The following GRIN1 variants were observed in gnomAD, a reference collection of about 807,000 sequenced individuals.
The protein encoded by GRIN1 is glutamate receptor ionotropic, NMDA 1.
A neutral mutation model predicts 103.0 loss-of-function variants in GRIN1; 38 were observed. The ratio of observed to expected loss-of-function variants is 0.37; its 90% CI spans 0.28 to 0.48. The LOEUF (loss-of-function observed/expected upper bound fraction) is 0.48, where lower values mean the gene tolerates loss of function less well. Among genes scored for constraint, GRIN1 ranks in the 20% least tolerant of loss-of-function variants. The probability of loss-of-function intolerance (pLI) is 0.98; values close to 1 mark genes in which losing one functional copy is unlikely to be tolerated. For missense variants in GRIN1, 577 were observed against 1,288.9 expected (o/e 0.45, Z 8.46); for synonymous variants, 544 against 532.7 (o/e 1.02, Z -0.29).
intron 19 of GRIN1, among the ~76,000 whole-genome samples, chr9:137,166,832 G>A (rs991108841): frequency 1.4e-4 from 21 of 152,366 alleles, no homozygotes; most frequent in Admixed American, 1.2e-3. Context: ...GGGGAATAGC[G>A]CAGGGATCGT....
rs1833726311 is a variant in GRIN1 at position 137,164,128 on chromosome 9, C to T, written c.2589+224C>T. ...CTGCAAAGCCGGGGCCGAGGGAGGC[C>T]ACGCACCCTGCTCCAAGCCTCCGCC... On this transcript the variant is annotated intron_variant, in intron 18 of 19. Transcript: ENST00000371561. The T allele has an allele frequency of 6.7e-6, 4 of 601,434 alleles. No individual in the cohort carries two copies. In the South Asian group the frequency reaches 7.4e-5, roughly 11 times the overall value. The allele number at this position is 601,434 out of a possible 1,614,324, so 37.3% of individuals were successfully genotyped here.
chr9:137,139,331 C>T lies in GRIN1; in HGVS notation c.-156C>T. ...CCCCGCGCACGCTTCAGCGCCCCTT[C>T]CCTCGGCCGACGTCCCGGGACCGCC... is the stretch of plus-strand genomic sequence containing the variant. On this transcript the variant is annotated 5_prime_UTR_variant, in exon 1 of 20. Transcript: ENST00000371561. This position sits in a 1 kb window ranked among gnomAD's most constrained non-coding sequence, Gnocchi z 7.7. The T allele has an allele frequency of 6.1e-6, 2 of 326,038 alleles. No individual in the cohort carries two copies. Among genetic ancestry groups the T allele is most frequent in the Non-Finnish European group, 1.0e-5 (2 of 194,064 alleles). 20.2% of individuals were successfully genotyped at this position (326,038 alleles called of 1,614,324 possible).
At chr9:137,154,539 C>T (rs1323917253) in intron 4 of GRIN1, among the ~76,000 whole-genome samples, 1 of 146,402 alleles carries the variant, frequency 6.8e-6, no homozygotes, top group East Asian at 2.0e-4. Flanking sequence ...CTGCAACCTC[C>T]GCCTCCCAGA....
rs753088706 is a variant in GRIN1, at chr9:137,146,470, C to T, written c.570+568C>T. Among the ~76,000 whole-genome samples the T allele has an allele frequency of 6.6e-6, 1 of 152,180 alleles. No individual in the cohort carries two copies. Among genetic ancestry groups the T allele is most frequent in the Admixed American group, 6.5e-5 (1 of 15,286 alleles). ...CCGCCCCTGTGGGCTCCACTCCCCT[C>T]CTTGCCCCCACCACAGGGCTCCCTC... On this transcript the variant is annotated intron_variant, in intron 3 of 19. Coordinates refer to ENST00000371561, the MANE Select transcript of GRIN1 (RefSeq NM_007327.4). The surrounding 1 kb of genome is among the most constrained non-coding windows in gnomAD (Gnocchi z 6.7).
intron 6 of GRIN1, among the ~76,000 whole-genome samples, chr9:137,157,274 C>G (rs907438344): frequency 6.6e-6 from 1 of 152,054 alleles, no homozygotes; most frequent in Admixed American, 6.6e-5. Flanking sequence ...AGGTGGGCGG[C>G]GTCGCTCTCA....
chr9:137,165,118 C>A, intron 18 of GRIN1, 68 bp from the exon 19 acceptor site: 2 of 1,130,072 alleles, frequency 1.8e-6, no homozygotes, highest in Non-Finnish European at 2.7e-6. Flanking sequence ...GCGGCCCATG[C>A]AGGAGCAGGC....
intron 4 of GRIN1, among the ~76,000 whole-genome samples, chr9:137,152,877 A>C (rs895878716): frequency 6.6e-6 from 1 of 152,088 alleles, no homozygotes; most frequent in Admixed American, 6.5e-5. Flanking sequence ...CACATGCAGA[A>C]TCATGTACAG....
intron 1 of GRIN1, among the ~76,000 whole-genome samples, chr9:137,141,390 A>C (rs1052076566): frequency 3.9e-5 from 6 of 152,174 alleles, no homozygotes; most frequent in Non-Finnish European, 8.8e-5. Context: ...GGTCATGGGC[A>C]GGAAGGCTGG....
chr9:137,160,270 C>T (rs983605548), intron 8 of GRIN1, among the ~76,000 whole-genome samples: 5 of 152,236 alleles, frequency 3.3e-5, no homozygotes, highest in African/African-American at 9.6e-5. Flanking sequence ...GGTGGCCCCA[C>T]GGGTCCCAGG....
Position 137,158,263 on chromosome 9 carries a change from A to T in GRIN1, c.969-116A>T. 1.2e-5 allele frequency: 14 copies of T among 1,157,820 alleles called. No homozygotes were observed. In the South Asian group the frequency reaches 1.8e-4, roughly 15 times the overall value. 71.7% of individuals were successfully genotyped at this position (1,157,820 alleles called of 1,614,324 possible). A position where few individuals can be genotyped will look rare whatever the true frequency, so the allele number is the denominator to read the frequency against. ...CCCAAGCTGCTCAGCCGGCAGGAGAAGGAGCAGGGAGAAGGAGCAGGGGGA... is the reference window on the plus strand; with the variant it reads ...CCCAAGCTGCTCAGCCGGCAGGAGATGGAGCAGGGAGAAGGAGCAGGGGGA... On this transcript the variant is annotated intron_variant, in intron 6 of 19. Transcript: ENST00000371561.
intron 3 of GRIN1, 43 bp from the exon 4 acceptor site, chr9:137,148,966 C>T: frequency 7.1e-7 from 1 of 1,409,472 alleles, no homozygotes; most frequent in Non-Finnish European, 9.9e-7. Context: ...GGCGCTATGT[C>T]CCCTGCCCCA....
intron 19 of GRIN1, among the ~76,000 whole-genome samples, chr9:137,165,736 G>A (rs371692785): frequency 6.6e-6 from 1 of 152,172 alleles, no homozygotes; most frequent in Non-Finnish European, 1.5e-5. Flanking sequence ...GGGGCCCGCC[G>A]CCCTCACTTC....
chr9:137,149,004 C>T lies in GRIN1; in HGVS notation c.571-5C>T, dbSNP rs750769690. The T allele has an allele frequency of 9.3e-6, 15 of 1,604,806 alleles. No individual in the cohort carries two copies. The highest frequency in any genetic ancestry group is 2.2e-5 in the East Asian group (1 of 44,714). ...CGCCTGCTAACACTCTTGCTCACAC[C>T]GCAGGCAGAGAAGGTGCTGCAGTTT... On this transcript the variant is annotated splice_region_variant and splice_polypyrimidine_tract_variant and intron_variant, in intron 3 of 19. Coordinates refer to ENST00000371561, the MANE Select transcript of GRIN1 (RefSeq NM_007327.4).
chr9:137,156,174 C>T (rs1174933256), intron 4 of GRIN1, among the ~76,000 whole-genome samples: 2 of 152,208 alleles, frequency 1.3e-5, no homozygotes, highest in African/African-American at 2.4e-5. Flanking sequence ...CCCCGTAAAA[C>T]ACTTCGAGCA....
In GRIN1 at chr9:137,161,909, T is replaced by C. The variant is rs369253654; in HGVS notation, c.1468-15T>C. 7.1e-6 allele frequency: 11 copies of C among 1,552,086 alleles called. No homozygotes were observed. The highest frequency in any genetic ancestry group is 9.6e-6 in the Non-Finnish European group (11 of 1,148,650). ...GGACGCTGCCTGCATGCCCGCCGGC[T>C]CTGTCGCCTCGCAGGTGAACAACAG... is the stretch of plus-strand genomic sequence containing the variant. On this transcript the variant is annotated splice_polypyrimidine_tract_variant and intron_variant, in intron 10 of 19. Coordinates refer to ENST00000371561, the MANE Select transcript of GRIN1 (RefSeq NM_007327.4).
At chr9:137,144,420 C>T (rs574594007) in intron 2 of GRIN1, among the ~76,000 whole-genome samples, 117 of 150,448 alleles carry the variant, frequency 7.8e-4, no homozygotes, top group African/African-American at 2.0e-3. Flanking sequence ...TTTGGGAGGC[C>T]GAGGCGGGCG....
In GRIN1 at chr9:137,162,758, G is replaced by A. The variant is rs1043866330; in HGVS notation, c.2013+19G>A. The A allele has an allele frequency of 2.2e-5, 35 of 1,601,732 alleles. No individual in the cohort carries two copies. Among genetic ancestry groups the A allele is most frequent in the Admixed American group, 5.2e-5 (3 of 58,048 alleles). On this transcript the variant is annotated intron_variant, in intron 14 of 19. Transcript: ENST00000371561. ...CCCTCGGGTGAGGCCTGGCCGGGCTGGGGGAGGGAATGCGAGGTGAGCTGG... is the reference window on the plus strand; with the variant it reads ...CCCTCGGGTGAGGCCTGGCCGGGCTAGGGGAGGGAATGCGAGGTGAGCTGG...
intron 2 of GRIN1, 85 bp from the exon 3 acceptor site, chr9:137,145,641 G>A (rs1391583019): frequency 3.9e-5 from 45 of 1,163,636 alleles, no homozygotes; most frequent in South Asian, 1.1e-4. Context: ...CCCAGCCTCC[G>A]GCGGGTGTTC....
chr9:137,157,612 T>C (rs980039366), intron 6 of GRIN1, among the ~76,000 whole-genome samples: 3 of 152,178 alleles, frequency 2.0e-5, no homozygotes, highest in Admixed American at 6.5e-5. Flanking sequence ...CACACGAGCC[T>C]TAGACAGCCA....
Sources: gnomAD v4.1 joint callset for allele counts (sites outside exome capture counted in the v4.1 genomes callset) on GRCh38, gnomAD v4.1.1 for gene constraint, Gnocchi (gnomAD v3.1) non-coding constraint, MANE v1.5 for transcripts, NCBI Gene and HGNC (gene_info 2026-07-23, HGNC 2026-07-21) for gene names.